The following OPRM1 variants were observed in gnomAD, a reference collection of about 807,000 sequenced individuals.
OPRM1 encodes mu-type opioid receptor.
OPRM1 carries 27 observed loss-of-function variants against 31.8 expected under a neutral mutation model. The ratio of observed to expected loss-of-function variants is 0.85; its 90% CI spans 0.63 to 1.17. OPRM1 has a LOEUF of 1.17. Among genes scored for constraint, OPRM1 ranks in the 50% most tolerant of loss-of-function variants. The pLI is 0.00. For missense variants in OPRM1, 536 were observed against 511.1 expected (o/e 1.05, Z -0.47); for synonymous variants, 196 against 189.9 (o/e 1.03, Z -0.26).
At chr6:154,181,383 A>G (rs1314940877) in intron 3 of OPRM1, among the ~76,000 whole-genome samples, 2 of 152,144 alleles carry the variant, frequency 1.3e-5, no homozygotes, top group African/African-American at 4.8e-5. Flanking sequence ...TAACACTTCT[A>G]TGAGAAGTGT....
chr6:154,058,970 T>A (rs1028255076), intron 1 of OPRM1, among the ~76,000 whole-genome samples: 23 of 152,194 alleles, frequency 1.5e-4, no homozygotes, highest in African/African-American at 5.1e-4. Flanking sequence ...GAGAGCTACA[T>A]TACCCTGAAA....
At chr6:154,205,673 G>T (rs1335822671) in intron 3 of OPRM1, among the ~76,000 whole-genome samples, 1 of 152,172 alleles carries the variant, frequency 6.6e-6, no homozygotes, top group Non-Finnish European at 1.5e-5. Flanking sequence ...TAACTAGTTA[G>T]TGTATATGCT....
intron 1 of OPRM1, among the ~76,000 whole-genome samples, chr6:154,058,841 C>A (rs919900730): frequency 2.0e-5 from 3 of 152,104 alleles, no homozygotes; most frequent in African/African-American, 7.2e-5. Context: ...TTACACCAAC[C>A]ATTAAGGAAA....
chr6:154,240,043 C>T (rs767920574), intron 3 of OPRM1, among the ~76,000 whole-genome samples: 5 of 152,086 alleles, frequency 3.3e-5, no homozygotes, highest in South Asian at 4.1e-4. Context: ...GTTTGGGATA[C>T]GCTCAGAGGC....
chr6:154,090,824 C>A, intron 2 of OPRM1, 128 bp from the exon 3 acceptor site: 2 of 777,528 alleles, frequency 2.6e-6, no homozygotes, highest in Non-Finnish European at 4.1e-6. Context: ...GTTTCTTCCA[C>A]AATTTCTTTA....
intron 3 of OPRM1, among the ~76,000 whole-genome samples, chr6:154,109,183 A>T (rs1439723120): frequency 6.6e-6 from 1 of 152,230 alleles, no homozygotes; most frequent in Non-Finnish European, 1.5e-5. Context: ...ATTGCTCATG[A>T]TTACCCTGGG....
rs541847819 is a variant in OPRM1 at position 154,063,454 on chromosome 6, T to C, written c.290+23620T>C. Among the ~76,000 whole-genome samples, 3 of 152,136 alleles carry C rather than the reference T, an allele frequency of 2.0e-5. No homozygotes were observed. The East Asian group carries it at 5.8e-4, about 29-fold the overall frequency. On this transcript the variant is annotated intron_variant, in intron 1 of 3. Transcript: ENST00000330432. ...TGAATTTAAATTCTGCCTCTGCCAT[T>C]GTTATTCTTTTTTAACCCTAATTCA...
At chr6:154,047,093 C>T (rs754659836) in intron 1 of OPRM1, among the ~76,000 whole-genome samples, 9 of 152,178 alleles carry the variant, frequency 5.9e-5, no homozygotes, top group Non-Finnish European at 1.2e-4. Context: ...CAGAAAGTTA[C>T]AGTCAAGCCT....
chr6:154,171,649 A>G, intron 3 of OPRM1, among the ~76,000 whole-genome samples: 1 of 152,242 alleles, frequency 6.6e-6, no homozygotes, highest in East Asian at 1.9e-4. Flanking sequence ...AAAACTATAA[A>G]AAGTAGTCAT....
intron 1 of OPRM1, among the ~76,000 whole-genome samples, chr6:154,023,018 G>C (rs996557171): frequency 6.6e-6 from 1 of 151,988 alleles, no homozygotes. Flanking sequence ...TGCTCGGAGA[G>C]CTTTGGCTAT....
intron 3 of OPRM1, among the ~76,000 whole-genome samples, chr6:154,152,353 AAAG>A (rs1471154988): frequency 1.4e-5 from 2 of 145,602 alleles, no homozygotes; most frequent in African/African-American, 5.4e-5. Context: ...GAAAGGAAAG[AAAG>A]AAAGAAAGAA....
intron 3 of OPRM1, among the ~76,000 whole-genome samples, chr6:154,204,010 G>C (rs1474351300): frequency 6.6e-6 from 1 of 152,156 alleles, no homozygotes; most frequent in Non-Finnish European, 1.5e-5. Context: ...TATTTAGTTA[G>C]TGATTAATAA....
chr6:154,215,277 G>A (rs1391325128), intron 3 of OPRM1, among the ~76,000 whole-genome samples: 1 of 130,876 alleles, frequency 7.6e-6, no homozygotes, highest in Non-Finnish European at 1.6e-5. Flanking sequence ...AACCTGCCAT[G>A]GTCTTGTTGT....
rs982020080 is a variant in OPRM1, at chr6:154,126,175, C to G, written c.*7454C>G. On this transcript the variant is annotated 3_prime_UTR_variant, in exon 4 of 4. Transcript: ENST00000330432. ...GAAATGAGATAAGTGGTATAAACCACAGAAGATATAGGAGAAGAGAAAAAA... is the reference window on the plus strand; with the variant it reads ...GAAATGAGATAAGTGGTATAAACCAGAGAAGATATAGGAGAAGAGAAAAAA... Among the ~76,000 whole-genome samples, 5 of 142,820 alleles carry G rather than the reference C, an allele frequency of 3.5e-5. No individual in the cohort carries two copies. Among genetic ancestry groups the G allele is most frequent in the Non-Finnish European group, 7.5e-5 (5 of 66,368 alleles). 93.7% of individuals were successfully genotyped at this position (142,820 alleles called of 152,430 possible). A position where few individuals can be genotyped will look rare whatever the true frequency, so the allele number is the denominator to read the frequency against.
chr6:154,060,746 T>C (rs996710106), intron 1 of OPRM1, among the ~76,000 whole-genome samples: 3 of 151,952 alleles, frequency 2.0e-5, no homozygotes, highest in African/African-American at 2.4e-5. Context: ...AGGAGAACAA[T>C]AGGGGCAGAA....
chr6:154,119,019 C>A lies in OPRM1; in HGVS notation c.*298C>A, dbSNP rs1267135757. On this transcript the variant is annotated 3_prime_UTR_variant, in exon 4 of 4. Transcript: ENST00000330432. ...AATTGAAGTCATCATAAAAGGTGAC[C>A]CTTCTGTCTGTAAGATTTTATTTTC... The A allele has an allele frequency of 1.8e-6, 2 of 1,132,972 alleles. No individual in the cohort carries two copies. The highest frequency in any genetic ancestry group is 2.2e-6 in the Non-Finnish European group (2 of 924,594). 70.2% of individuals were successfully genotyped at this position (1,132,972 alleles called of 1,614,324 possible).
chr6:154,022,545 C>A (rs76350212), intron 1 of OPRM1, among the ~76,000 whole-genome samples: 1 of 147,502 alleles, frequency 6.8e-6, no homozygotes, highest in Non-Finnish European at 1.5e-5. Flanking sequence ...CTGTGAGGAA[C>A]CTTTTAAAGT....
chr6:154,213,225 T>C, intron 3 of OPRM1: 1 of 237,848 alleles, frequency 4.2e-6, no homozygotes, highest in Non-Finnish European at 8.5e-6. Flanking sequence ...ATCACTAAAC[T>C]ATCAGTGGTG....
At position 154,055,835 on chromosome 6, in the gene OPRM1, A is replaced by G. The variant is rs531973119; in HGVS notation, c.290+16001A>G. ...ATGCAAACCAGTGATGTTCGAACAAAACAGCATTTTTGTTACTTAAATCTT... is the reference window on the plus strand; with the variant it reads ...ATGCAAACCAGTGATGTTCGAACAAGACAGCATTTTTGTTACTTAAATCTT... On this transcript the variant is annotated intron_variant, in intron 1 of 3. Transcript: ENST00000330432. 3.9e-5 allele frequency among the ~76,000 whole-genome samples: 6 copies of G among 152,354 alleles called. No individual in the cohort carries two copies. In the East Asian group the frequency reaches 1.2e-3, roughly 29 times the overall value.
Sources: allele counts gnomAD v4.1 joint callset (sites outside exome capture counted in the v4.1 genomes callset), GRCh38; gene constraint gnomAD v4.1.1; transcripts MANE v1.5; gene names NCBI Gene and HGNC (gene_info 2026-07-23, HGNC 2026-07-21).